Variants in RNF10 observed in about 807,000 individuals in gnomAD.
The protein encoded by RNF10 is E3 ubiquitin-protein ligase RNF10.
A neutral mutation model predicts 91.4 loss-of-function variants in RNF10; 38 were observed. That is an observed-to-expected ratio of 0.42 (90% confidence interval 0.32 to 0.54). RNF10 has a LOEUF of 0.54. Ranked by LOEUF, RNF10 falls within the 20% of genes least tolerant of loss-of-function variation. The pLI is 0.16. For missense variants in RNF10, 945 were observed against 1,012.0 expected (o/e 0.93, Z 0.90); for synonymous variants, 364 against 366.3 (o/e 0.99, Z 0.07).
In RNF10 at chr12:120,563,902, T is replaced by G. The variant is rs777259128; in HGVS notation, c.1624T>G (p.Ser542Ala). 1.1e-5 allele frequency: 17 copies of G among 1,614,124 alleles called. No homozygotes were observed. Residue 542 changes from serine to alanine, a missense_variant, in exon 10 of 17, where the codon TCA becomes GCA. Physicochemically the swap from Ser to Ala is moderately conservative, Grantham distance 99. Transcript: ENST00000325954. Reference sequence around the variant, plus strand: ...CCTGGAGAGGAGCCCCGAGAAGATCTCAGCAACTGTGGTGGAGATTGCTGG... The same window carrying G: ...CCTGGAGAGGAGCCCCGAGAAGATCGCAGCAACTGTGGTGGAGATTGCTGG... ...GSLERSPEKI[S>A]ATVVEIAGYS...
chr12:120,543,038 G>A (rs1871797966), intron 1 of RNF10, among the ~76,000 whole-genome samples: 1 of 152,144 alleles, frequency 6.6e-6, no homozygotes, highest in Admixed American at 6.5e-5. Flanking sequence ...CAGTGAGGTT[G>A]ACAGACTATG....
intron 15 of RNF10, 44 bp downstream of exon 15, chr12:120,575,732 A>G (rs751514446): frequency 2.5e-6 from 4 of 1,614,112 alleles, no homozygotes; most frequent in South Asian, 2.2e-5. Flanking sequence ...GCTTCTTTCC[A>G]TAAAAGGCTG....
At position 120,552,701 on chromosome 12, in the gene RNF10, G is replaced by A. The variant is rs746348709; in HGVS notation, c.554+3G>A. Reference sequence around the variant, plus strand: ...AAGGAACTCTTTTTACAGGCCAAGTGAGTATTGCTACCCCTCAGAGGAAAG... The same window carrying A: ...AAGGAACTCTTTTTACAGGCCAAGTAAGTATTGCTACCCCTCAGAGGAAAG... On this transcript the variant is annotated splice_donor_region_variant and intron_variant, in intron 3 of 16. Transcript: ENST00000325954. 9 of 1,613,188 alleles carry A rather than the reference G, an allele frequency of 5.6e-6. No individual in the cohort carries two copies. Among genetic ancestry groups the A allele is most frequent in the Non-Finnish European group, 7.6e-6 (9 of 1,179,630 alleles).
At position 120,576,713 on chromosome 12, in the gene RNF10, T is replaced by C; in HGVS notation, c.*47T>C. 1.3e-6 allele frequency: 2 copies of C among 1,593,498 alleles called. No individual in the cohort carries two copies. The highest frequency in any genetic ancestry group is 1.7e-6 in the Non-Finnish European group (2 of 1,174,162). On this transcript the variant is annotated 3_prime_UTR_variant, in exon 17 of 17. Transcript: ENST00000325954. ...TCTCCATCTGGTTTTTGTTTTTGTT[T>C]TTTTTTCCCCCATGCTTTTGTTTGG...
chr12:120,546,290 C>G (rs1872322542), intron 1 of RNF10, 115 bp from the exon 2 acceptor site: 1 of 859,436 alleles, frequency 1.2e-6, no homozygotes, highest in African/African-American at 1.7e-5. Flanking sequence ...AACCCAGATT[C>G]CTGAAGGTGG....
Position 120,566,915 on chromosome 12 carries a change from C to A in RNF10, c.1976C>A (p.Thr659Asn). ...TCSSDSALGPTSTEGHGALSI... is the reference protein window; with the variant it reads ...TCSSDSALGPNSTEGHGALSI... The stretch of plus-strand genomic sequence containing the variant: ...TCCTCTGATTCTGCTTTGGGTCCCA[C>A]CAGCACCGAGGGCCATGGGGCCCTC... The change falls in exon 13 of 17, where the codon ACC becomes AAC. Residue 659 changes from threonine (T) to asparagine (N), a missense_variant. Transcript: ENST00000325954. 1 of 1,613,988 alleles carries A rather than the reference C, an allele frequency of 6.2e-7. No individual in the cohort carries two copies. Among genetic ancestry groups the A allele is most frequent in the Non-Finnish European group, 8.5e-7 (1 of 1,179,952 alleles).
At chr12:120,558,349 T>G (rs1874326540) in intron 6 of RNF10, among the ~76,000 whole-genome samples, 1 of 151,982 alleles carries the variant, frequency 6.6e-6, no homozygotes, top group South Asian at 2.1e-4. Flanking sequence ...TGAAGGATTG[T>G]GTGTTCTCAT....
Position 120,563,432 on chromosome 12 carries a change from C to A in RNF10, c.1340C>A (p.Pro447His). The change falls in exon 9 of 17, where the codon CCT becomes CAT. Residue 447 changes from proline to histidine, a missense_variant. Transcript: ENST00000325954. ...ACTCCTTCTAGACCTCTTGCTCTCC[C>A]TCTGGTAGAAGAGGAGGAAGCAGTG... ...LDTPSRPLAL[P>H]LVEEEEAVSE... 2.5e-6 allele frequency: 4 copies of A among 1,614,176 alleles called. No individual in the cohort carries two copies. Among genetic ancestry groups the A allele is most frequent in the Non-Finnish European group, 3.4e-6 (4 of 1,180,028 alleles).
chr12:120,535,015 C>G, intron 1 of RNF10, 47 bp downstream of exon 1: 1 of 1,529,080 alleles, frequency 6.5e-7, no homozygotes, highest in Non-Finnish European at 8.7e-7. Flanking sequence ...GCCCCTGCTG[C>G]TGGGGAGAGT....
At position 120,575,949 on chromosome 12, in the gene RNF10, T is replaced by C. The variant is rs937291151; in HGVS notation, c.2358T>C (p.Ser786=). ...LDTPATSDPL[S]EEKGGKKRKK... is the part of the protein sequence containing the mutation. Reference sequence around the variant, plus strand: ...CACCAGCTACTTCAGATCCCCTCTCTGGTAAGGGCAGAGGCTGGAGTGCCC... The same window carrying C: ...CACCAGCTACTTCAGATCCCCTCTCCGGTAAGGGCAGAGGCTGGAGTGCCC... Residue 786 remains serine, a splice_region_variant and synonymous_variant, in exon 16 of 17, where the codon TCT becomes TCC. Transcript: ENST00000325954. The C allele has an allele frequency of 5.6e-6, 9 of 1,613,406 alleles. No individual in the cohort carries two copies. Among genetic ancestry groups the C allele is most frequent in the Non-Finnish European group, 7.6e-6 (9 of 1,180,040 alleles).
Position 120,558,577 on chromosome 12 carries a change from A to ATT in RNF10, c.967+903_967+904dup, listed in dbSNP as rs57516040. Among the ~76,000 whole-genome samples, 833 of 148,208 alleles carry ATT rather than the reference A, an allele frequency of 5.6e-3. 43 individuals carry two copies. The East Asian group carries it at 0.12, about 21-fold the overall frequency. On this transcript the variant is annotated intron_variant, in intron 6 of 16. Transcript: ENST00000325954. Reference sequence around the variant, plus strand: ...TATATAATATAATATGTATATATATATTTTTTTTTGAGACAGAGTCTGGCT... The same window carrying ATT: ...TATATAATATAATATGTATATATATATTTTTTTTTTTGAGACAGAGTCTGGCT...
chr12:120,563,562 AC>A lies in RNF10; in HGVS notation c.1473del (p.Ile492SerfsTer31). 6.2e-7 allele frequency: 1 copy of A among 1,613,810 alleles called. No individual in the cohort carries two copies. The highest frequency in any genetic ancestry group is 8.5e-7 in the Non-Finnish European group (1 of 1,179,846). ...TTTGCACTGAGTCCAGCCAGCAGGAACCCATCACCAAGTCAGGCTTCACACG... is the reference window on the plus strand; with the variant it reads ...TTTGCACTGAGTCCAGCCAGCAGGAACCATCACCAAGTCAGGCTTCACACG... ...TICTESSQQE[P>X]ITKSGFTRLS... On this transcript the variant is annotated frameshift_variant, in exon 9 of 17. Coordinates refer to ENST00000325954, the MANE Select transcript of RNF10 (RefSeq NM_014868.5). LOFTEE classifies it high-confidence loss of function.
chr12:120,572,342 A>AG (rs1876769751), intron 14 of RNF10, among the ~76,000 whole-genome samples: 1 of 152,144 alleles, frequency 6.6e-6, no homozygotes. Flanking sequence ...CTGGGATTAC[A>AG]GGCATGAGCC....
intron 2 of RNF10, among the ~76,000 whole-genome samples, chr12:120,551,290 G>GTT (rs63002361): frequency 0.2 from 16,788 of 82,780 alleles, 2,722 homozygotes; most frequent in Admixed American, 0.29. Flanking sequence ...CCATCCTAGT[G>GTT]TTTTTTTTTT....
At chr12:120,565,301 C>T (rs1043558310) in intron 11 of RNF10, 112 bp downstream of exon 11, 1 of 1,133,440 alleles carries the variant, frequency 8.8e-7, no homozygotes, top group Non-Finnish European at 1.3e-6. Context: ...CTTAGTACCT[C>T]CTAAACACTT....
chr12:120,565,927 G>C (rs1361108154), intron 12 of RNF10, among the ~76,000 whole-genome samples: 1 of 152,228 alleles, frequency 6.6e-6, no homozygotes, highest in Non-Finnish European at 1.5e-5. Context: ...TGGAAATTTT[G>C]ATAGACTAGG....
chr12:120,554,659 C>T, intron 3 of RNF10, 59 bp from the exon 4 acceptor site: 4 of 1,317,968 alleles, frequency 3.0e-6, no homozygotes, highest in Non-Finnish European at 4.4e-6. Flanking sequence ...ACAATTTCTG[C>T]TGAGGGTTTA....
At chr12:120,538,868 T>A (rs1163934291) in intron 1 of RNF10, among the ~76,000 whole-genome samples, 1 of 152,224 alleles carries the variant, frequency 6.6e-6, no homozygotes, top group African/African-American at 2.4e-5. Flanking sequence ...TTACTAGTGG[T>A]AATCTGCCTT....
At position 120,576,783 on chromosome 12, in the gene RNF10, G is replaced by T. The variant is rs917156222; in HGVS notation, c.*117G>T. 1.7e-4 allele frequency: 233 copies of T among 1,407,452 alleles called. 1 individual carries two copies. The highest frequency in any genetic ancestry group is 2.1e-4 in the Non-Finnish European group (221 of 1,040,030). The allele number at this position is 1,407,452 out of a possible 1,614,324, so 87.2% of individuals were successfully genotyped here. A position where few individuals can be genotyped will look rare whatever the true frequency, so the allele number is the denominator to read the frequency against. The stretch of plus-strand genomic sequence containing the variant: ...TTTGAGTTTGAACAGATTAGCTCTG[G>T]GGGGAGGGGGTTTCCACAATGTGAG... On this transcript the variant is annotated 3_prime_UTR_variant, in exon 17 of 17. Transcript: ENST00000325954.
Sources: allele counts gnomAD v4.1 joint callset (sites outside exome capture counted in the v4.1 genomes callset), GRCh38; gene constraint gnomAD v4.1.1; transcripts MANE v1.5; gene names NCBI Gene and HGNC (gene_info 2026-07-23, HGNC 2026-07-21).